CARS2: variants seen among roughly 807,000 people sequenced by gnomAD.
CARS2 encodes the protein probable cysteine--tRNA ligase, mitochondrial.
In CARS2, 52 loss-of-function variants were observed where a neutral mutation model predicts 68.8. The ratio of observed to expected loss-of-function variants is 0.76; its 90% confidence interval spans 0.61 to 0.95. CARS2 has a LOEUF of 0.95. CARS2 is among the 40% of genes least tolerant of loss of function. CARS2 has a pLI of 0.00. For missense variants in CARS2, 780 were observed against 754.2 expected (o/e 1.03, Z -0.40); for synonymous variants, 314 against 303.6 (o/e 1.03, Z -0.36).
At chr13:110,688,602 A>T (rs2063371765) in intron 3 of CARS2, among the ~76,000 whole-genome samples, 1 of 152,188 alleles carries the variant, frequency 6.6e-6, no homozygotes, top group South Asian at 2.1e-4. Flanking sequence ...GAAAAAAAAA[A>T]TAGTCAAAAA....
At chr13:110,672,116 G>A (rs1173005532) in intron 7 of CARS2, among the ~76,000 whole-genome samples, 1 of 152,050 alleles carries the variant, frequency 6.6e-6, no homozygotes, top group East Asian at 1.9e-4. Context: ...AATAATAATG[G>A]GAGACTTTAA....
At chr13:110,658,885 C>T (rs1166906489) in intron 9 of CARS2, among the ~76,000 whole-genome samples, 5 of 151,994 alleles carry the variant, frequency 3.3e-5, no homozygotes, top group Non-Finnish European at 5.9e-5. Context: ...GCTGAGATCA[C>T]GCCACTGTAC....
chr13:110,713,457 G>T (rs1594449628), exon 1 of CARS2: 6 of 990,998 alleles, frequency 6.1e-6, no homozygotes, highest in Non-Finnish European at 7.2e-6. Flanking sequence ...TTTGCGCCTC[G>T]CCCGCCGTCC....
intron 8 of CARS2, chr13:110,666,902 G>A (rs1037593390): frequency 1.0e-6 from 1 of 985,312 alleles, no homozygotes; most frequent in Non-Finnish European, 1.2e-6. Flanking sequence ...AACTCATGGT[G>A]TTGCATCCAC....
At position 110,705,739 on chromosome 13, in the gene CARS2, AC is replaced by A; in HGVS notation, c.224+130del. 1 of 1,534,958 alleles carries A rather than the reference AC, an allele frequency of 6.5e-7. No homozygotes were observed. Among genetic ancestry groups the A allele is most frequent in the South Asian group, 1.2e-5 (1 of 83,438 alleles). On this transcript the variant is annotated intron_variant, in intron 1 of 14. Coordinates refer to ENST00000257347, the MANE Select transcript of CARS2 (RefSeq NM_024537.4). This position sits in a 1 kb window ranked among gnomAD's most constrained non-coding sequence, Gnocchi z 4.0. The stretch of plus-strand genomic sequence containing the variant: ...ACCCAAACCTGCAAAAGCACCGCGC[AC>A]CCCCAGCTTCTAGAACGGCGCCCTC...
At chr13:110,642,263 T>C (rs912600400) in intron 14 of CARS2, 52 bp downstream of exon 14, 1 of 1,437,896 alleles carries the variant, frequency 7.0e-7, no homozygotes, top group Non-Finnish European at 9.5e-7. Flanking sequence ...CCACGTCCTG[T>C]TGACCTACCC....
intron 10 of CARS2, chr13:110,650,832 C>G: frequency 1.9e-6 from 1 of 523,740 alleles, no homozygotes; most frequent in Non-Finnish European, 3.4e-6. Flanking sequence ...AGGAAGCCCA[C>G]ATCCACTGTG....
intron 12 of CARS2, 68 bp from the exon 13 acceptor site, chr13:110,644,551 A>T: frequency 6.3e-7 from 1 of 1,596,804 alleles, no homozygotes; most frequent in South Asian, 1.1e-5. Context: ...ACGGAATTCA[A>T]TGTCAAAAGA....
chr13:110,694,509 C>A (rs1483669667), intron 3 of CARS2, among the ~76,000 whole-genome samples: 1 of 151,866 alleles, frequency 6.6e-6, no homozygotes, highest in Admixed American at 6.6e-5. Context: ...TAGTGGTGTA[C>A]GCCTGTAGTC....
chr13:110,713,112 T>C (rs1013467731), intron 1 of CARS2: 3 of 1,435,810 alleles, frequency 2.1e-6, no homozygotes, highest in Admixed American at 2.8e-5. Flanking sequence ...TTTCTAGTAG[T>C]AAGAGTCCGG....
chr13:110,701,585 T>C (rs1246603099), intron 2 of CARS2, 30 bp from the exon 3 acceptor site: 1 of 955,300 alleles, frequency 1.0e-6, no homozygotes, highest in South Asian at 1.3e-5. Flanking sequence ...AGGATGTCTT[T>C]ATTACACAAA....
At chr13:110,666,161 C>T in intron 8 of CARS2, 1 of 985,356 alleles carries the variant, frequency 1.0e-6, no homozygotes. Flanking sequence ...GAAATCAGTG[C>T]TCGGCTCCCT....
At position 110,683,086 on chromosome 13, in the gene CARS2, A is replaced by G. The variant is rs2063204005; in HGVS notation, c.620T>C (p.Leu207Ser). The change falls in exon 6 of 15, where the codon TTG becomes TCG. Residue 207 changes from leucine to serine, a missense_variant. By Grantham distance (145) the Leu-to-Ser change is moderately radical. Coordinates refer to ENST00000257347, the MANE Select transcript of CARS2 (RefSeq NM_024537.4). ...GACTGGACCAGGGACCACGCCGACCAATTTGCCATACTTGTCTCCTCTAGA... is the reference window on the plus strand; with the variant it reads ...GACTGGACCAGGGACCACGCCGACCGATTTGCCATACTTGTCTCCTCTAGA... ...LKSRGDKYGKLVGVVPGPVGE... is the reference protein window; with the variant it reads ...LKSRGDKYGKSVGVVPGPVGE... The G allele has an allele frequency of 1.2e-6, 2 of 1,602,688 alleles. No individual in the cohort carries two copies. Among genetic ancestry groups the G allele is most frequent in the African/African-American group, 1.3e-5 (1 of 74,084 alleles).
At chr13:110,661,364 T>C (rs890136968) in intron 9 of CARS2, among the ~76,000 whole-genome samples, 1 of 152,200 alleles carries the variant, frequency 6.6e-6, no homozygotes, top group Non-Finnish European at 1.5e-5. Context: ...CAACTTTTCT[T>C]TGCAGCTTTC....
At position 110,668,434 on chromosome 13, in the gene CARS2, T is replaced by C. The variant is rs938242880; in HGVS notation, c.786-961A>G. On this transcript the variant is annotated intron_variant, in intron 7 of 14. Coordinates refer to ENST00000257347, the MANE Select transcript of CARS2 (RefSeq NM_024537.4). The surrounding 1 kb of genome is among the most constrained non-coding windows in gnomAD (Gnocchi z 4.1). ...GCGGGTGCCTGTAGTCCCAGCTGCT[T>C]GGGAGGCTGAGGCAAGAGAATGGCA... is the stretch of plus-strand genomic sequence containing the variant. 2.0e-5 allele frequency among the ~76,000 whole-genome samples: 3 copies of C among 150,558 alleles called. No homozygotes were observed. The highest frequency in any genetic ancestry group is 4.4e-5 in the Non-Finnish European group (3 of 67,752).
At chr13:110,712,824 C>T in intron 1 of CARS2, 1 of 887,990 alleles carries the variant, frequency 1.1e-6, no homozygotes, top group Non-Finnish European at 1.8e-6. Context: ...TTCTGGGGCT[C>T]GGCACTAGGA....
intron 13 of CARS2, 36 bp from the exon 14 acceptor site, chr13:110,642,557 A>G: frequency 6.4e-7 from 1 of 1,568,564 alleles, no homozygotes; most frequent in Non-Finnish European, 8.6e-7. Flanking sequence ...TCCCCCGGAG[A>G]CTGTGGATTG....
intron 7 of CARS2, among the ~76,000 whole-genome samples, chr13:110,674,736 CA>C (rs1456046624): frequency 6.6e-6 from 1 of 152,172 alleles, no homozygotes; most frequent in Admixed American, 6.6e-5. Context: ...AGAGCTTCTG[CA>C]TAGCAAAAGA....
chr13:110,706,155 G>A, upstream of CARS2: 3 of 1,184,214 alleles, frequency 2.5e-6, no homozygotes, highest in South Asian at 2.8e-5. Context: ...GCTGCCGGTC[G>A]CTCAAGAGCA....
Sources: gnomAD v4.1 joint callset for allele counts (sites outside exome capture counted in the v4.1 genomes callset) on GRCh38, gnomAD v4.1.1 for gene constraint, Gnocchi (gnomAD v3.1) non-coding constraint, MANE v1.5 for transcripts, NCBI Gene and HGNC (gene_info 2026-07-23, HGNC 2026-07-21) for gene names.